TENM3: variants seen among roughly 807,000 people sequenced by gnomAD.
The protein encoded by TENM3 is teneurin-3.
TENM3 carries 63 observed loss-of-function variants against 255.1 expected under a neutral mutation model. That is an observed-to-expected ratio of 0.25 (90% CI 0.20 to 0.30). The LOEUF is 0.30. TENM3 is among the 10% of genes least tolerant of loss of function. The pLI, the probability that TENM3 is intolerant of heterozygous loss-of-function variation, is 1.00. For synonymous variants in TENM3, 1,306 were observed against 1,322.3 expected (o/e 0.99, Z 0.27); for missense variants, 2,929 against 3,461.1 (o/e 0.85, Z 3.86).
At chr4:182,212,264 G>A (rs1755096926) in intron 1 of TENM3, among the ~76,000 whole-genome samples, 2 of 152,244 alleles carry the variant, frequency 1.3e-5, no homozygotes. Flanking sequence ...TGCAGTTAAA[G>A]TCCAGCCTTG....
the TENM3 span, among the ~76,000 whole-genome samples, chr4:182,033,011 T>C: frequency 5.3e-4 from 52 of 98,026 alleles, 3 homozygotes; most frequent in South Asian, 0.021. Context: ...TTTGTTGATT[T>C]TTGAAGGTTT....
At chr4:182,659,705 C>A (rs1754057393) in intron 6 of TENM3, among the ~76,000 whole-genome samples, 1 of 152,196 alleles carries the variant, frequency 6.6e-6, no homozygotes, top group African/African-American at 2.4e-5. Context: ...AGCCTTCTAT[C>A]TGCGCTGTAT....
the TENM3 span, among the ~76,000 whole-genome samples, chr4:181,599,528 C>T: frequency 6.6e-6 from 1 of 152,156 alleles, no homozygotes; most frequent in African/African-American, 2.4e-5. Context: ...CACACATTCT[C>T]CTACCACTGA....
At chr4:182,266,647 G>A (rs1447695433) in intron 1 of TENM3, among the ~76,000 whole-genome samples, 1 of 152,038 alleles carries the variant, frequency 6.6e-6, no homozygotes, top group Non-Finnish European at 1.5e-5. Flanking sequence ...TAACATAAAG[G>A]TAAAATTTGG....
chr4:182,149,641 C>T (rs1448296076), intron 1 of TENM3, among the ~76,000 whole-genome samples: 1 of 151,988 alleles, frequency 6.6e-6, no homozygotes. Flanking sequence ...TCGGGTAGCA[C>T]TGACTTTTCA....
chr4:182,289,399 G>A (rs1001658133), intron 1 of TENM3, among the ~76,000 whole-genome samples: 6 of 152,210 alleles, frequency 3.9e-5, no homozygotes, highest in African/African-American at 7.2e-5. Flanking sequence ...GTGCGAGGGC[G>A]GAGGGTGAGC....
At chr4:181,594,191 A>G in the TENM3 span, among the ~76,000 whole-genome samples, 1 of 152,224 alleles carries the variant, frequency 6.6e-6, no homozygotes, top group Admixed American at 6.5e-5. Context: ...ACAAATGATG[A>G]ATAAGCATGA....
At chr4:181,825,321 A>T in the TENM3 span, among the ~76,000 whole-genome samples, 1 of 143,570 alleles carries the variant, frequency 7.0e-6, no homozygotes, top group Non-Finnish European at 1.5e-5. Context: ...GAATCACTTG[A>T]ACCCGGGAGG....
chr4:181,569,473 A>T, the TENM3 span, among the ~76,000 whole-genome samples: 11 of 152,162 alleles, frequency 7.2e-5, no homozygotes, highest in Non-Finnish European at 1.3e-4. Flanking sequence ...AATCTCTGTC[A>T]TGGTAAGGTT....
the TENM3 span, among the ~76,000 whole-genome samples, chr4:181,832,230 G>A: frequency 3.3e-5 from 5 of 152,000 alleles, no homozygotes; most frequent in Non-Finnish European, 7.4e-5. Flanking sequence ...CAAGAGCTGC[G>A]TACAAGGCAG....
chr4:181,888,541 TATATATATGTATATATATAC>T, the TENM3 span, among the ~76,000 whole-genome samples: 9 of 117,340 alleles, frequency 7.7e-5, 1 homozygote, highest in South Asian at 5.2e-4. Flanking sequence ...TATGTGTATA[TATATATATGTATATATATAC>T]ATATATGTAT....
chr4:182,288,279 A>G (rs1399928837), intron 1 of TENM3, among the ~76,000 whole-genome samples: 1 of 152,058 alleles, frequency 6.6e-6, no homozygotes, highest in Admixed American at 6.5e-5. Context: ...CTATGTTGTC[A>G]CATTGGTCTC....
the TENM3 span, among the ~76,000 whole-genome samples, chr4:181,482,162 T>C: frequency 6.6e-6 from 1 of 152,152 alleles, no homozygotes; most frequent in Non-Finnish European, 1.5e-5. Flanking sequence ...ATTAATAGGG[T>C]ATGTAATGAT....
chr4:182,365,887 G>A (rs967791649), intron 3 of TENM3, among the ~76,000 whole-genome samples: 1 of 152,110 alleles, frequency 6.6e-6, no homozygotes, highest in Non-Finnish European at 1.5e-5. Flanking sequence ...CTACAAATCT[G>A]TACAGCCTGT....
At chr4:182,340,006 A>C (rs889635900) in intron 2 of TENM3, among the ~76,000 whole-genome samples, 4 of 152,138 alleles carry the variant, frequency 2.6e-5, no homozygotes, top group Non-Finnish European at 5.9e-5. Context: ...TTCCAGACCT[A>C]AGACATGCTC....
At chr4:181,848,335 G>C in the TENM3 span, among the ~76,000 whole-genome samples, 2 of 152,192 alleles carry the variant, frequency 1.3e-5, no homozygotes, top group Non-Finnish European at 2.9e-5. Context: ...GGAAGCTTGG[G>C]CTAAGATTGT....
intron 1 of TENM3, among the ~76,000 whole-genome samples, chr4:182,230,826 A>G (rs1214900078): frequency 2.2e-5 from 2 of 88,958 alleles, no homozygotes; most frequent in African/African-American, 7.5e-5. Context: ...ATATATATAT[A>G]TATATATATA....
chr4:182,154,208 A>C (rs1750536773), intron 1 of TENM3, among the ~76,000 whole-genome samples: 1 of 151,994 alleles, frequency 6.6e-6, no homozygotes, highest in South Asian at 2.1e-4. Flanking sequence ...TTTACTATTA[A>C]GAATAATTGG....
intron 1 of TENM3, among the ~76,000 whole-genome samples, chr4:182,295,259 TTC>T (rs371609595): frequency 0.013 from 1,662 of 129,728 alleles, 123 homozygotes; most frequent in African/African-American, 0.044. Flanking sequence ...TGCTTTGCTT[TTC>T]TTTTTTTTTT....
Sources: allele counts gnomAD v4.1 joint callset (sites outside exome capture counted in the v4.1 genomes callset), GRCh38; gene constraint gnomAD v4.1.1; transcripts MANE v1.5; gene names NCBI Gene and HGNC (gene_info 2026-07-23, HGNC 2026-07-21).